TAFA2: variants seen among roughly 807,000 people sequenced by gnomAD.
The protein encoded by TAFA2 is chemokine-like protein TAFA-2.
TAFA2 carries 7 observed loss-of-function variants against 18.8 expected under a neutral mutation model. The ratio of observed to expected loss-of-function variants is 0.37; its 90% CI spans 0.21 to 0.70. TAFA2 has a LOEUF of 0.70. TAFA2 is among the 30% of genes least tolerant of loss of function. TAFA2 has a pLI of 0.53. For missense variants in TAFA2, 122 were observed against 158.1 expected, an observed-to-expected ratio of 0.77 and a Z score of 1.23; for synonymous variants, 60 against 54.2, an observed-to-expected ratio of 1.11 and a Z score of -0.47.
At chr12:62,250,315 T>A (rs2062906696) in intron 1 of TAFA2, among the ~76,000 whole-genome samples, 1 of 152,212 alleles carries the variant, frequency 6.6e-6, no homozygotes, top group Non-Finnish European at 1.5e-5. Flanking sequence ...AATGCTTCTA[T>A]CTAAATCGCA....
chr12:61,979,490 C>G (rs1028473716), intron 1 of TAFA2, among the ~76,000 whole-genome samples: 1 of 152,042 alleles, frequency 6.6e-6, no homozygotes, highest in Non-Finnish European at 1.5e-5. Context: ...ACCATCATTT[C>G]AGAAATTAAA....
At chr12:61,838,837 A>G (rs1278862553) in intron 2 of TAFA2, among the ~76,000 whole-genome samples, 2 of 152,086 alleles carry the variant, frequency 1.3e-5, no homozygotes, top group Admixed American at 1.3e-4. Flanking sequence ...ATGTTTTTCA[A>G]TAATTTTCAA....
chr12:62,138,313 C>A (rs2062214593), intron 1 of TAFA2, among the ~76,000 whole-genome samples: 1 of 152,074 alleles, frequency 6.6e-6, no homozygotes, highest in Non-Finnish European at 1.5e-5. Context: ...AAATTGTGCA[C>A]CAACTAATAC....
chr12:62,006,194 C>A (rs1037481662), intron 1 of TAFA2, among the ~76,000 whole-genome samples: 3 of 151,996 alleles, frequency 2.0e-5, no homozygotes, highest in Non-Finnish European at 4.4e-5. Context: ...TTTTGTAAAC[C>A]AAGCACATGA....
chr12:62,145,680 T>C (rs995689366), intron 1 of TAFA2: 1 of 152,240 alleles, frequency 6.6e-6, no homozygotes, highest in Admixed American at 6.5e-5. Flanking sequence ...TTATTAATAC[T>C]TGAATGGCAC....
chr12:62,081,078 C>T (rs535095547), intron 1 of TAFA2, among the ~76,000 whole-genome samples: 33 of 151,710 alleles, frequency 2.2e-4, no homozygotes, highest in African/African-American at 7.5e-4. Flanking sequence ...GCCTGTAGTC[C>T]CAGCTACTCG....
In TAFA2 at chr12:61,757,053, C is replaced by CA. The variant is rs562665888; in HGVS notation, c.107-2030dup. ...AGGAGATTGGATTTTATTCTTCCTG[C>CA]ATGGGAAATCTTTGGGTAGAAATAG... On this transcript the variant is annotated intron_variant, in intron 2 of 4. Transcript: ENST00000416284. Among the ~76,000 whole-genome samples the CA allele has an allele frequency of 1.4e-3, 209 of 152,132 alleles. 4 individuals are homozygous for CA. Among genetic ancestry groups the CA allele is most frequent in the African/African-American group, 4.9e-3 (202 of 41,548 alleles).
At chr12:61,782,283 A>G (rs1870539175) in intron 2 of TAFA2, among the ~76,000 whole-genome samples, 3 of 151,690 alleles carry the variant, frequency 2.0e-5, no homozygotes, top group African/African-American at 7.3e-5. Flanking sequence ...TATGTTTGAT[A>G]AGAAACATTT....
At chr12:61,973,292 A>G (rs561313460) in intron 1 of TAFA2, among the ~76,000 whole-genome samples, 107 of 151,794 alleles carry the variant, frequency 7.0e-4, no homozygotes, top group African/African-American at 2.4e-3. Flanking sequence ...TCCTGCTGAA[A>G]AAATCATTTC....
At chr12:62,094,184 G>A (rs1292451147) in intron 1 of TAFA2, among the ~76,000 whole-genome samples, 1 of 152,034 alleles carries the variant, frequency 6.6e-6, no homozygotes, top group African/African-American at 2.4e-5. Flanking sequence ...AATTGACTAA[G>A]GTAGCTCTTA....
chr12:61,794,622 T>C (rs574643515), intron 2 of TAFA2, among the ~76,000 whole-genome samples: 9 of 152,018 alleles, frequency 5.9e-5, no homozygotes, highest in Admixed American at 1.3e-4. Context: ...ATTGTAATCC[T>C]AACTGACACC....
intron 1 of TAFA2, among the ~76,000 whole-genome samples, chr12:62,098,702 G>A (rs1390454334): frequency 6.6e-6 from 1 of 152,092 alleles, no homozygotes; most frequent in Non-Finnish European, 1.5e-5. Context: ...ATTAGTCCTG[G>A]CTTATAAAAT....
At chr12:62,199,573 T>C (rs1235236464) in intron 1 of TAFA2, among the ~76,000 whole-genome samples, 2 of 150,804 alleles carry the variant, frequency 1.3e-5, no homozygotes, top group Non-Finnish European at 3.0e-5. Context: ...CATTCCATGG[T>C]GTGTGTGTGT....
intron 1 of TAFA2, among the ~76,000 whole-genome samples, chr12:62,139,493 T>A (rs932288989): frequency 2.6e-5 from 4 of 152,234 alleles, no homozygotes; most frequent in African/African-American, 9.6e-5. Flanking sequence ...CCTACCATGT[T>A]ATAGTTTATA....
rs535404224 is a variant in TAFA2 at position 61,931,848 on chromosome 12, T to C, written c.-1-64422A>G. ...AGCAGACCAATTTTTGTATCAGCTA[T>C]GTGCCAGGATAGTTCTAAAGATAAT... On this transcript the variant is annotated intron_variant, in intron 1 of 4. Transcript: ENST00000416284. Among the ~76,000 whole-genome samples, 10 of 152,314 alleles carry C rather than the reference T, an allele frequency of 6.6e-5. 1 individual carries two copies. In the South Asian group the frequency reaches 2.1e-3, roughly 32 times the overall value.
chr12:62,068,861 G>GA (rs1165470072), intron 1 of TAFA2, among the ~76,000 whole-genome samples: 5 of 152,164 alleles, frequency 3.3e-5, no homozygotes, highest in African/African-American at 9.6e-5. Flanking sequence ...TTTAAAAGTA[G>GA]AAACTATGAA....
chr12:61,846,339 T>C (rs1358461587), intron 2 of TAFA2, among the ~76,000 whole-genome samples: 1 of 152,176 alleles, frequency 6.6e-6, no homozygotes, highest in African/African-American at 2.4e-5. Context: ...TTGGGCTCTT[T>C]CTTTTCTGAG....
intron 1 of TAFA2, among the ~76,000 whole-genome samples, chr12:61,922,392 T>A (rs540542120): frequency 5.3e-5 from 8 of 151,948 alleles, no homozygotes; most frequent in East Asian, 2.0e-4. Flanking sequence ...CATTTCCAAC[T>A]GAGGTACCCA....
intron 2 of TAFA2, among the ~76,000 whole-genome samples, chr12:61,824,993 T>C (rs1388122767): frequency 6.6e-6 from 1 of 152,204 alleles, no homozygotes; most frequent in African/African-American, 2.4e-5. Flanking sequence ...TTGTATTAAA[T>C]GGTTTCAGAT....
Sources: allele counts gnomAD v4.1 joint callset (sites outside exome capture counted in the v4.1 genomes callset), GRCh38; gene constraint gnomAD v4.1.1; transcripts MANE v1.5; gene names NCBI Gene and HGNC (gene_info 2026-07-23, HGNC 2026-07-21).